The following LOC400499 variants were observed in gnomAD, a reference collection of about 807,000 sequenced individuals.
the LOC400499 span, among the ~76,000 whole-genome samples, chr16:11,459,668 T>C: frequency 6.6e-6 from 1 of 152,222 alleles, no homozygotes; most frequent in Admixed American, 6.5e-5. Flanking sequence ...GGTGGAAATC[T>C]ATGTTTCCCA....
chr16:11,375,747 T>TTTTTTTTG, the LOC400499 span, among the ~76,000 whole-genome samples: 1 of 151,106 alleles, frequency 6.6e-6, no homozygotes, highest in Admixed American at 6.6e-5. Context: ...TTTTTTTTTT[T>TTTTTTTTG]GAGATGGAGT....
the LOC400499 span, among the ~76,000 whole-genome samples, chr16:11,481,956 T>A: frequency 3.9e-5 from 6 of 152,208 alleles, no homozygotes; most frequent in African/African-American, 1.2e-4. Flanking sequence ...TTAAAATGGT[T>A]ATTTTTACAT....
the LOC400499 span, among the ~76,000 whole-genome samples, chr16:11,375,559 CA>C: frequency 6.7e-6 from 1 of 150,110 alleles, no homozygotes; most frequent in Non-Finnish European, 1.5e-5. Flanking sequence ...GTGATCCGCC[CA>C]CCTTGGCTTC....
At chr16:11,522,295 A>C in the LOC400499 span, among the ~76,000 whole-genome samples, 1 of 152,168 alleles carries the variant, frequency 6.6e-6, no homozygotes, top group East Asian at 1.9e-4. Flanking sequence ...AAAGAAAATA[A>C]AGATAATAAC....
At chr16:11,422,198 C>G in the LOC400499 span, among the ~76,000 whole-genome samples, 1 of 152,198 alleles carries the variant, frequency 6.6e-6, no homozygotes, top group African/African-American at 2.4e-5. Context: ...GTCAGGAGTT[C>G]AAGACAAGCC....
the LOC400499 span, among the ~76,000 whole-genome samples, chr16:11,518,515 G>C: frequency 2.0e-5 from 3 of 152,062 alleles, no homozygotes; most frequent in African/African-American, 7.2e-5. Flanking sequence ...GAGTCTTCCA[G>C]AACACACTCA....
At chr16:11,494,763 G>A in the LOC400499 span, 8 of 399,084 alleles carry the variant, frequency 2.0e-5, no homozygotes, top group Admixed American at 4.4e-5. Flanking sequence ...AGCAGTGGCT[G>A]GGGACAGAAA....
chr16:11,490,684 G>C, the LOC400499 span, among the ~76,000 whole-genome samples: 4 of 152,234 alleles, frequency 2.6e-5, no homozygotes, highest in Admixed American at 2.6e-4. Flanking sequence ...CTGGGTGACA[G>C]AGCGAGACTC....
At chr16:11,448,149 G>A in the LOC400499 span, 2 of 1,478,242 alleles carry the variant, frequency 1.4e-6, no homozygotes, top group East Asian at 2.5e-5. Flanking sequence ...AGGAAGGCAA[G>A]AGGTAGCCCC....
At chr16:11,402,594 C>A in the LOC400499 span, among the ~76,000 whole-genome samples, 7 of 152,192 alleles carry the variant, frequency 4.6e-5, no homozygotes, top group African/African-American at 1.4e-4. Context: ...GCTGGTGCCA[C>A]GTGGGGTTGG....
At chr16:11,458,209 G>T in the LOC400499 span, among the ~76,000 whole-genome samples, 1 of 152,344 alleles carries the variant, frequency 6.6e-6, no homozygotes, top group East Asian at 1.9e-4. Flanking sequence ...AGCCGGGCGT[G>T]GTCGTGGGCG....
chr16:11,393,114 A>G, the LOC400499 span, among the ~76,000 whole-genome samples: 1 of 151,340 alleles, frequency 6.6e-6, no homozygotes, highest in African/African-American at 2.4e-5. Flanking sequence ...TCGGCCTCCC[A>G]AAGTGCTGGG....
At chr16:11,390,234 C>G in the LOC400499 span, 1 of 1,232,552 alleles carries the variant, frequency 8.1e-7, no homozygotes, top group East Asian at 3.2e-5. Flanking sequence ...AGAGCTGGCT[C>G]AGTCATCCTC....
chr16:11,396,038 G>C, the LOC400499 span, among the ~76,000 whole-genome samples: 18 of 152,042 alleles, frequency 1.2e-4, no homozygotes, highest in African/African-American at 4.1e-4. Context: ...GATGGTACCA[G>C]TAATGGCTAA....
At chr16:11,387,882 C>T in the LOC400499 span, among the ~76,000 whole-genome samples, 5 of 152,056 alleles carry the variant, frequency 3.3e-5, no homozygotes, top group Admixed American at 2.0e-4. Context: ...CCTCGGCCTC[C>T]CAAAGTGCTG....
the LOC400499 span, among the ~76,000 whole-genome samples, chr16:11,401,047 C>T: frequency 6.6e-6 from 1 of 152,234 alleles, no homozygotes; most frequent in Non-Finnish European, 1.5e-5. Flanking sequence ...CAAACACCGC[C>T]TGGTATACAG....
the LOC400499 span, among the ~76,000 whole-genome samples, chr16:11,508,231 T>C: frequency 4.6e-5 from 7 of 152,178 alleles, no homozygotes; most frequent in African/African-American, 7.2e-5. Flanking sequence ...AATCTCATCA[T>C]CACAGCACAG....
the LOC400499 span, among the ~76,000 whole-genome samples, chr16:11,377,755 T>C: frequency 6.6e-6 from 1 of 152,240 alleles, no homozygotes; most frequent in Non-Finnish European, 1.5e-5. Flanking sequence ...GGAACATTGG[T>C]CTATTTTCCT....
chr16:11,485,675 T>G, the LOC400499 span, among the ~76,000 whole-genome samples: 1 of 152,198 alleles, frequency 6.6e-6, no homozygotes, highest in South Asian at 2.1e-4. Context: ...TCCTTATTCC[T>G]ATCCATCCAT....
Sources: gnomAD v4.1 joint callset for allele counts (sites outside exome capture counted in the v4.1 genomes callset) on GRCh38, gnomAD v4.1.1 for gene constraint, MANE v1.5 for transcripts.